B3GAT2: variants seen among roughly 807,000 people sequenced by gnomAD.
The protein encoded by B3GAT2 is beta-1,3-glucuronyltransferase 2.
In B3GAT2, 26 loss-of-function variants were observed where a neutral mutation model predicts 27.8. That is an observed-to-expected ratio of 0.93 (90% CI 0.68 to 1.30). The LOEUF (loss-of-function observed/expected upper bound fraction) is 1.30, where lower values mean the gene tolerates loss of function less well. B3GAT2 is among the 50% of genes most tolerant of loss of function. The probability of loss-of-function intolerance (pLI) is 0.00; values close to 1 mark genes in which losing one functional copy is unlikely to be tolerated. For missense variants in B3GAT2, 458 were observed against 459.0 expected, an observed-to-expected ratio of 1.00 and a Z score of 0.02; for synonymous variants, 218 against 195.1, an observed-to-expected ratio of 1.12 and a Z score of -0.98.
intron 1 of B3GAT2, among the ~76,000 whole-genome samples, chr6:70,914,976 G>A (rs900460695): frequency 2.0e-5 from 3 of 152,170 alleles, no homozygotes; most frequent in East Asian, 1.9e-4. Flanking sequence ...TTGAGGAATC[G>A]CCACACTGTC....
intron 2 of B3GAT2, among the ~76,000 whole-genome samples, chr6:70,889,494 G>C (rs573673682): frequency 1.3e-5 from 2 of 152,218 alleles, no homozygotes; most frequent in African/African-American, 4.8e-5. Context: ...CCACCAGCTG[G>C]AAAGCTGGTG....
At chr6:70,895,579 C>T (rs1772368857) in intron 1 of B3GAT2, among the ~76,000 whole-genome samples, 1 of 130,008 alleles carries the variant, frequency 7.7e-6, no homozygotes, top group Non-Finnish European at 1.6e-5. Flanking sequence ...GATCTTGGCT[C>T]ACTGCAATCT....
intron 2 of B3GAT2, among the ~76,000 whole-genome samples, chr6:70,884,550 G>C (rs534551167): frequency 6.6e-6 from 1 of 152,288 alleles, no homozygotes; most frequent in South Asian, 2.1e-4. Flanking sequence ...ACTGACATGA[G>C]CGCCACCTTG....
chr6:70,956,846 A>C lies in B3GAT2; in HGVS notation c.-417T>G. 9.6e-7 allele frequency: 1 copy of C among 1,037,442 alleles called. No individual in the cohort carries two copies. Among genetic ancestry groups the C allele is most frequent in the South Asian group, 3.4e-5 (1 of 29,270 alleles). 64.3% of individuals were successfully genotyped at this position (1,037,442 alleles called of 1,614,324 possible). A position where few individuals can be genotyped will look rare whatever the true frequency, so the allele number is the denominator to read the frequency against. ...CCAGTCCGGCGGTGCTGCGGGCACA[A>C]GGGCTCCAGCCGCGGGCCCCCAGGA... is the stretch of plus-strand genomic sequence containing the variant. On this transcript the variant is annotated 5_prime_UTR_variant, in exon 1 of 4. Coordinates refer to ENST00000230053, the MANE Select transcript of B3GAT2 (RefSeq NM_080742.3).
intron 1 of B3GAT2, among the ~76,000 whole-genome samples, chr6:70,942,069 A>T (rs1311811448): frequency 6.6e-6 from 1 of 152,192 alleles, no homozygotes; most frequent in Non-Finnish European, 1.5e-5. Flanking sequence ...TCCAAGGCCT[A>T]TTGAAAAAGT....
At chr6:70,950,228 A>G (rs925070129) in intron 1 of B3GAT2, among the ~76,000 whole-genome samples, 8 of 151,886 alleles carry the variant, frequency 5.3e-5, no homozygotes, top group Non-Finnish European at 7.4e-5. Flanking sequence ...AATAAAATAA[A>G]GAAATATCCA....
intron 1 of B3GAT2, among the ~76,000 whole-genome samples, chr6:70,932,649 C>A (rs904148518): frequency 6.6e-6 from 1 of 152,130 alleles, no homozygotes; most frequent in Non-Finnish European, 1.5e-5. Context: ...GTGTATTTTA[C>A]AACACTGAAG....
At chr6:70,954,814 C>T (rs1765624174) in intron 1 of B3GAT2, among the ~76,000 whole-genome samples, 3 of 151,394 alleles carry the variant, frequency 2.0e-5, no homozygotes, top group Admixed American at 2.0e-4. Flanking sequence ...CTGAGAAAAC[C>T]CATGCCACTC....
chr6:70,955,587 G>C (rs1239510351), intron 1 of B3GAT2, among the ~76,000 whole-genome samples: 1 of 152,116 alleles, frequency 6.6e-6, no homozygotes, highest in Admixed American at 6.5e-5. Flanking sequence ...TCTCCACACA[G>C]AAAAGCCCCA....
rs1771677586 is a variant in B3GAT2 at position 70,860,632 on chromosome 6, G to C, written c.*1031C>G. ...CAGTTTTCCTCTCAATAAAATTATAGCTCTAATGTTTGCATATAAGGGAAG... is the reference window on the plus strand; with the variant it reads ...CAGTTTTCCTCTCAATAAAATTATACCTCTAATGTTTGCATATAAGGGAAG... On this transcript the variant is annotated 3_prime_UTR_variant, in exon 4 of 4. Coordinates refer to ENST00000230053, the MANE Select transcript of B3GAT2 (RefSeq NM_080742.3). 1 of 426,854 alleles carries C rather than the reference G, an allele frequency of 2.3e-6. No homozygotes were observed. The highest frequency in any genetic ancestry group is 4.1e-6 in the Non-Finnish European group (1 of 242,596). 26.4% of individuals were successfully genotyped at this position (426,854 alleles called of 1,614,324 possible). A position where few individuals can be genotyped will look rare whatever the true frequency, so the allele number is the denominator to read the frequency against.
intron 1 of B3GAT2, among the ~76,000 whole-genome samples, chr6:70,937,077 C>T (rs1333917214): frequency 1.3e-5 from 2 of 152,070 alleles, no homozygotes; most frequent in African/African-American, 4.8e-5. Flanking sequence ...GATATCACCA[C>T]CGATCCCACA....
In B3GAT2 at chr6:70,894,252, G is replaced by C; in HGVS notation, c.612C>G (p.Val204=). ...LFQEMRTTRK[V]SVWPVGLVGG... is the part of the protein sequence containing the mutation. ...CAACCAGGCCCACAGGCCAGACGGAGACCTTGCGGGTGGTTCGCATCTATA... is the reference window on the plus strand; with the variant it reads ...CAACCAGGCCCACAGGCCAGACGGACACCTTGCGGGTGGTTCGCATCTATA... The change falls in exon 2 of 4, where the codon GTC becomes GTG. Residue 204 remains valine, a synonymous_variant. Coordinates refer to ENST00000230053, the MANE Select transcript of B3GAT2 (RefSeq NM_080742.3). The C allele has an allele frequency of 6.3e-7, 1 of 1,596,438 alleles. No homozygotes were observed. Among genetic ancestry groups the C allele is most frequent in the Non-Finnish European group, 8.5e-7 (1 of 1,172,756 alleles).
chr6:70,941,508 C>G (rs1015289147), intron 1 of B3GAT2, among the ~76,000 whole-genome samples: 1 of 152,112 alleles, frequency 6.6e-6, no homozygotes, highest in African/African-American at 2.4e-5. Context: ...AACTGACTCA[C>G]GACCACCTTG....
At chr6:70,880,463 T>A (rs1772084027) in intron 2 of B3GAT2, among the ~76,000 whole-genome samples, 1 of 152,126 alleles carries the variant, frequency 6.6e-6, no homozygotes, top group South Asian at 2.1e-4. Flanking sequence ...ATGGAATCAC[T>A]CTCAAAACTC....
rs1348410258 is a variant in B3GAT2, at chr6:70,878,449, G to C, written c.736+15679C>G. Among the ~76,000 whole-genome samples the C allele has an allele frequency of 2.0e-5, 3 of 152,056 alleles. No individual in the cohort carries two copies. In the East Asian group the frequency reaches 5.8e-4, roughly 29 times the overall value. On this transcript the variant is annotated intron_variant, in intron 2 of 3. Transcript: ENST00000230053. Reference sequence around the variant, plus strand: ...TATTTTTGTCCTTGACTTCTGCCTTGTTCAACACGAATGTGAACACTCCTG... The same window carrying C: ...TATTTTTGTCCTTGACTTCTGCCTTCTTCAACACGAATGTGAACACTCCTG...
intron 1 of B3GAT2, among the ~76,000 whole-genome samples, chr6:70,921,254 A>G (rs939064600): frequency 3.0e-4 from 46 of 151,776 alleles, no homozygotes; most frequent in African/African-American, 1.1e-3. Flanking sequence ...ACCTAATCTC[A>G]TATTTCTCAG....
intron 1 of B3GAT2, among the ~76,000 whole-genome samples, chr6:70,930,287 G>T (rs1383881180): frequency 2.0e-5 from 3 of 152,160 alleles, no homozygotes; most frequent in African/African-American, 7.2e-5. Context: ...CATAGGCAAG[G>T]ACTTCATGAC....
intron 2 of B3GAT2, among the ~76,000 whole-genome samples, chr6:70,868,604 T>C (rs990400792): frequency 2.6e-5 from 4 of 152,202 alleles, no homozygotes; most frequent in African/African-American, 9.6e-5. Flanking sequence ...ACAAGAAAGA[T>C]ACTAACAGCT....
At chr6:70,885,413 T>G (rs1772168674) in intron 2 of B3GAT2, among the ~76,000 whole-genome samples, 1 of 152,220 alleles carries the variant, frequency 6.6e-6, no homozygotes, top group Non-Finnish European at 1.5e-5. Context: ...AATGAACACG[T>G]ATCTGCTCCT....
Sources: allele counts gnomAD v4.1 joint callset (sites outside exome capture counted in the v4.1 genomes callset), GRCh38; gene constraint gnomAD v4.1.1; transcripts MANE v1.5; gene names NCBI Gene and HGNC (gene_info 2026-07-23, HGNC 2026-07-21).